The following CHGA variants were observed in gnomAD, a reference collection of about 807,000 sequenced individuals.
The protein encoded by CHGA is chromogranin-A.
In CHGA, 41 loss-of-function variants were observed where a neutral mutation model predicts 54.4. That is an observed-to-expected ratio of 0.75 (90% CI 0.59 to 0.98). The LOEUF (loss-of-function observed/expected upper bound fraction) is 0.98, where lower values mean the gene tolerates loss of function less well. Ranked by LOEUF, CHGA falls within the 50% of genes least tolerant of loss-of-function variation. The pLI is 0.00. For synonymous variants in CHGA, 249 were observed against 232.8 expected (o/e 1.07, Z -0.63); for missense variants, 576 against 582.3 (o/e 0.99, Z 0.11).
In CHGA at chr14:92,934,976, C is replaced by A; in HGVS notation, c.*92C>A. On this transcript the variant is annotated 3_prime_UTR_variant, in exon 8 of 8. Coordinates refer to ENST00000216492, the MANE Select transcript of CHGA (RefSeq NM_001275.4). ...TCCTGGCCAGATGGCCCGGATGCTGCTTCCGGTAGGGAGGCAGCCTCCAGC... is the reference window on the plus strand; with the variant it reads ...TCCTGGCCAGATGGCCCGGATGCTGATTCCGGTAGGGAGGCAGCCTCCAGC... The A allele has an allele frequency of 9.1e-7, 1 of 1,099,896 alleles. No homozygotes were observed. The highest frequency in any genetic ancestry group is 1.3e-6 in the Non-Finnish European group (1 of 791,120). 68.1% of individuals were successfully genotyped at this position (1,099,896 alleles called of 1,614,324 possible).
At chr14:92,934,165 T>C (rs563666491) in intron 7 of CHGA, among the ~76,000 whole-genome samples, 17 of 152,320 alleles carry the variant, frequency 1.1e-4, no homozygotes, top group Admixed American at 2.0e-4. Context: ...GAGGTTGTGC[T>C]CTTGTGGGTG....
intron 2 of CHGA, among the ~76,000 whole-genome samples, chr14:92,925,788 T>C (rs2139667866): frequency 6.6e-6 from 1 of 152,308 alleles, no homozygotes; most frequent in Non-Finnish European, 1.5e-5. Flanking sequence ...GGGAAGGTAT[T>C]CTCACTCCCG....
intron 4 of CHGA, among the ~76,000 whole-genome samples, chr14:92,929,280 G>A (rs1886947325): frequency 6.6e-6 from 1 of 152,138 alleles, no homozygotes; most frequent in South Asian, 2.1e-4. Context: ...GCCTGCTGCA[G>A]GGTTCCTGGA....
intron 6 of CHGA, 56 bp downstream of exon 6, chr14:92,931,758 G>A (rs1887004575): frequency 6.7e-7 from 1 of 1,490,856 alleles, no homozygotes; most frequent in Non-Finnish European, 9.0e-7. Flanking sequence ...GGATGGGTGG[G>A]AGGAGAGCCT....
chr14:92,923,199 C>A lies in CHGA; in HGVS notation c.-161C>A. On this transcript the variant is annotated 5_prime_UTR_variant, in exon 1 of 8. Coordinates refer to ENST00000216492, the MANE Select transcript of CHGA (RefSeq NM_001275.4). The stretch of plus-strand genomic sequence containing the variant: ...CTCGAGCCCCGTGCAGGGGAGCTTG[C>A]GGGAGGATCGACCGACAGACGGACG... The A allele has an allele frequency of 3.9e-6, 2 of 518,666 alleles. No individual in the cohort carries two copies. Among genetic ancestry groups the A allele is most frequent in the Non-Finnish European group, 5.7e-6 (2 of 347,932 alleles). The allele number at this position is 518,666 out of a possible 1,614,324, so 32.1% of individuals were successfully genotyped here.
intron 4 of CHGA, among the ~76,000 whole-genome samples, chr14:92,928,776 T>A (rs1295040713): frequency 6.6e-6 from 1 of 152,236 alleles, no homozygotes; most frequent in Non-Finnish European, 1.5e-5. Context: ...TATGACTATT[T>A]TCCATTAACA....
intron 1 of CHGA, among the ~76,000 whole-genome samples, chr14:92,923,885 C>T (rs772226564): frequency 2.4e-4 from 36 of 152,198 alleles, no homozygotes; most frequent in Non-Finnish European, 5.0e-4. Context: ...CTCTCCCCTT[C>T]GTCTGTCTCC....
chr14:92,925,441 A>G (rs1031374015), intron 2 of CHGA, among the ~76,000 whole-genome samples: 4 of 152,116 alleles, frequency 2.6e-5, no homozygotes, highest in South Asian at 4.2e-4. Flanking sequence ...TGGTCACCAT[A>G]TTATACCCAG....
Position 92,926,609 on chromosome 14 carries a change from T to G in CHGA, c.98T>G (p.Met33Arg), listed in dbSNP as rs1482625806. The G allele has an allele frequency of 4.3e-6, 7 of 1,613,806 alleles. No homozygotes were observed. Among genetic ancestry groups the G allele is most frequent in the Non-Finnish European group, 5.9e-6 (7 of 1,180,010 alleles). ...GCCCCTGCACTGTGTTCCCAGGTGA[T>G]GAAATGCATCGTTGAGGTCATCTCC... ...SPMNKGDTEV[M>R]KCIVEVISDT... The change falls in exon 3 of 8, where the codon ATG becomes AGG. Residue 33 changes from methionine to arginine, a missense_variant. Transcript: ENST00000216492.
chr14:92,932,300 G>C lies in CHGA; in HGVS notation c.809-70G>C. Reference sequence around the variant, plus strand: ...CTGTGGCCGCAGCAGAGGCCCCCAGGGAGTGGCAGAGACTGGGAAAATGGT... The same window carrying C: ...CTGTGGCCGCAGCAGAGGCCCCCAGCGAGTGGCAGAGACTGGGAAAATGGT... On this transcript the variant is annotated intron_variant, in intron 6 of 7. Transcript: ENST00000216492. The surrounding 1 kb of genome is among the most constrained non-coding windows in gnomAD (Gnocchi z 5.3). The C allele has an allele frequency of 6.7e-7, 1 of 1,487,772 alleles. No individual in the cohort carries two copies. Among genetic ancestry groups the C allele is most frequent in the Non-Finnish European group, 9.0e-7 (1 of 1,116,270 alleles). The allele number at this position is 1,487,772 out of a possible 1,614,324, so 92.2% of individuals were successfully genotyped here. A position where few individuals can be genotyped will look rare whatever the true frequency, so the allele number is the denominator to read the frequency against.
Position 92,935,011 on chromosome 14 carries a change from C to A in CHGA, c.*127C>A. On this transcript the variant is annotated 3_prime_UTR_variant, in exon 8 of 8. Coordinates refer to ENST00000216492, the MANE Select transcript of CHGA (RefSeq NM_001275.4). ...GGAGGCAGCCTCCAGCCTGCCCAAG[C>A]CCAGGCCACCCTATCGCCCCCTACG... The A allele has an allele frequency of 1.4e-6, 1 of 728,946 alleles. No individual in the cohort carries two copies. The highest frequency in any genetic ancestry group is 2.2e-5 in the South Asian group (1 of 46,212). 45.2% of individuals were successfully genotyped at this position (728,946 alleles called of 1,614,324 possible). A position where few individuals can be genotyped will look rare whatever the true frequency, so the allele number is the denominator to read the frequency against.
chr14:92,926,879 G>A (rs1886896568), intron 3 of CHGA, among the ~76,000 whole-genome samples, 181 bp downstream of exon 3: 1 of 152,218 alleles, frequency 6.6e-6, no homozygotes, highest in South Asian at 2.1e-4. Context: ...TTGTAGCCCA[G>A]GTGCTTACAG....
In CHGA at chr14:92,934,935, C is replaced by T. The variant is rs1887091891; in HGVS notation, c.*51C>T. ...AGGGCACCCTGTGGCCCTGGCTCTG[C>T]TGTCCCCTTGGCAGGTCCTGGCCAG... On this transcript the variant is annotated 3_prime_UTR_variant, in exon 8 of 8. Transcript: ENST00000216492. 6.1e-6 allele frequency: 9 copies of T among 1,473,094 alleles called. No homozygotes were observed. The highest frequency in any genetic ancestry group is 8.2e-6 in the Non-Finnish European group (9 of 1,096,060). 91.3% of individuals were successfully genotyped at this position (1,473,094 alleles called of 1,614,324 possible).
intron 7 of CHGA, 117 bp from the exon 8 acceptor site, chr14:92,934,684 C>G (rs1887081535): frequency 1.7e-5 from 12 of 715,594 alleles, no homozygotes; most frequent in South Asian, 1.2e-4. Context: ...GATGAGGGTA[C>G]AGAGAGACAA....
intron 3 of CHGA, 112 bp from the exon 4 acceptor site, chr14:92,927,438 C>A: frequency 1.2e-6 from 1 of 815,254 alleles, no homozygotes. Context: ...TGCCACCACC[C>A]TGGTTTTGAG....
rs1453770652 is a variant in CHGA at position 92,931,397 on chromosome 14, A to G, written c.503A>G (p.Gln168Arg). The change falls in exon 6 of 8, where the codon CAG becomes CGG. Residue 168 changes from glutamine (Q) to arginine (R), a missense_variant. Transcript: ENST00000216492. ...MQESKAEGNN[Q>R]APGEEEEEEE... ...GAGTCCAAGGCTGAGGGGAACAATC[A>G]GGCCCCTGGGGAGGAAGAGGAGGAG... 1.9e-6 allele frequency: 3 copies of G among 1,612,352 alleles called. No homozygotes were observed. Among genetic ancestry groups the G allele is most frequent in the Non-Finnish European group, 1.7e-6 (2 of 1,179,574 alleles).
chr14:92,925,095 C>T (rs780011341), intron 2 of CHGA, among the ~76,000 whole-genome samples: 6 of 152,122 alleles, frequency 3.9e-5, no homozygotes, highest in Non-Finnish European at 5.9e-5. Context: ...ACCTCTACCA[C>T]TCATTCTAGC....
chr14:92,923,991 G>A (rs1886839348), intron 1 of CHGA, among the ~76,000 whole-genome samples: 1 of 152,220 alleles, frequency 6.6e-6, no homozygotes, highest in African/African-American at 2.4e-5. Flanking sequence ...AGGGGGAGGG[G>A]GAGGACCTCT....
chr14:92,931,704 T>C lies in CHGA; in HGVS notation c.808+2T>C. 1 of 1,557,868 alleles carries C rather than the reference T, an allele frequency of 6.4e-7. No individual in the cohort carries two copies. The highest frequency in any genetic ancestry group is 8.7e-7 in the Non-Finnish European group (1 of 1,148,858). ...ACAAGGAGATCCGGAAAGGCGAGAG[T>C]ACGTATGATGGCGAAGACCTCAACG... On this transcript the variant is annotated splice_donor_variant, in intron 6 of 7. Transcript: ENST00000216492. LOFTEE classifies it high-confidence loss of function.
Sources: gnomAD v4.1 joint callset for allele counts (sites outside exome capture counted in the v4.1 genomes callset) on GRCh38, gnomAD v4.1.1 for gene constraint, Gnocchi (gnomAD v3.1) non-coding constraint, MANE v1.5 for transcripts, NCBI Gene and HGNC (gene_info 2026-07-23, HGNC 2026-07-21) for gene names.